AGTPBP1: variants seen among roughly 807,000 people sequenced by gnomAD.
AGTPBP1 encodes cytosolic carboxypeptidase 1.
A neutral mutation model predicts 143.9 loss-of-function variants in AGTPBP1; 70 were observed. That is an observed-to-expected ratio of 0.49 (90% confidence interval 0.40 to 0.59). The LOEUF (loss-of-function observed/expected upper bound fraction) is 0.59. Among genes scored for constraint, AGTPBP1 ranks in the 20% least tolerant of loss-of-function variants. The pLI, the probability that AGTPBP1 is intolerant of heterozygous loss-of-function variation, is 0.00. For missense variants in AGTPBP1, 1,229 were observed against 1,464.5 expected, an observed-to-expected ratio of 0.84 and a Z score of 2.62; for synonymous variants, 463 against 500.2, an observed-to-expected ratio of 0.93 and a Z score of 0.99.
At chr9:85,789,901 T>C in the AGTPBP1 span, among the ~76,000 whole-genome samples, 1 of 152,220 alleles carries the variant, frequency 6.6e-6, no homozygotes, top group African/African-American at 2.4e-5. Flanking sequence ...AACAAATTCT[T>C]ACACATTAAA....
intron 3 of AGTPBP1, among the ~76,000 whole-genome samples, chr9:85,681,772 C>T (rs1366921800): frequency 3.9e-5 from 4 of 102,302 alleles, no homozygotes; most frequent in African/African-American, 8.8e-5. Flanking sequence ...TTTTTTGAGA[C>T]GGAGTCTCAT....
chr9:85,714,233 G>T (rs948170893), intron 1 of AGTPBP1, among the ~76,000 whole-genome samples: 1 of 152,216 alleles, frequency 6.6e-6, no homozygotes, highest in East Asian at 1.9e-4. Context: ...GTCCTCTGGC[G>T]TTACCAAAGT....
At chr9:85,773,349 T>TTTTTTTTTG in the AGTPBP1 span, among the ~76,000 whole-genome samples, 1 of 129,728 alleles carries the variant, frequency 7.7e-6, no homozygotes, top group African/African-American at 3.6e-5. Context: ...TTTTTTTTTT[T>TTTTTTTTTG]TGCGGCGGAG....
chr9:85,669,001 G>A (rs867813903), intron 8 of AGTPBP1, among the ~76,000 whole-genome samples: 26 of 77,398 alleles, frequency 3.4e-4, no homozygotes, highest in African/African-American at 1.4e-3. Context: ...GTGTGTGTGT[G>A]TGTGTGTATA....
chr9:85,698,620 A>T (rs2134337005), intron 2 of AGTPBP1, among the ~76,000 whole-genome samples: 1 of 151,372 alleles, frequency 6.6e-6, no homozygotes, highest in East Asian at 2.0e-4. Flanking sequence ...TACACTGCAA[A>T]GCAGAGGAAT....
intron 1 of AGTPBP1, among the ~76,000 whole-genome samples, chr9:85,724,111 A>G (rs1554740004): frequency 1.3e-5 from 2 of 151,976 alleles, no homozygotes; most frequent in Non-Finnish European, 2.9e-5. Flanking sequence ...AGATGGAGAA[A>G]CCCGAACTCT....
intron 25 of AGTPBP1, among the ~76,000 whole-genome samples, chr9:85,551,612 GT>G (rs1278591643): frequency 7.9e-5 from 12 of 152,184 alleles, no homozygotes; most frequent in Non-Finnish European, 1.5e-4. Context: ...AAGCCTTGAG[GT>G]TGACGAGATC....
intron 23 of AGTPBP1, among the ~76,000 whole-genome samples, chr9:85,583,027 C>G (rs917006990): frequency 6.6e-6 from 1 of 151,990 alleles, no homozygotes; most frequent in Non-Finnish European, 1.5e-5. Context: ...AAGGGGAAGG[C>G]AGCGGAAGGA....
At chr9:85,716,144 C>A (rs1371312884) in intron 1 of AGTPBP1, among the ~76,000 whole-genome samples, 1 of 152,188 alleles carries the variant, frequency 6.6e-6, no homozygotes, top group African/African-American at 2.4e-5. Flanking sequence ...TTCTTATCAA[C>A]AACTAATGAT....
At chr9:85,593,950 G>A (rs531333150) in intron 18 of AGTPBP1, among the ~76,000 whole-genome samples, 161 of 152,154 alleles carry the variant, frequency 1.1e-3, no homozygotes, top group Non-Finnish European at 1.7e-3. Context: ...GGGCCTATAC[G>A]TTATTTTTTC....
intron 17 of AGTPBP1, among the ~76,000 whole-genome samples, chr9:85,615,183 A>G (rs2133476849): frequency 1.3e-5 from 2 of 152,248 alleles, no homozygotes; most frequent in South Asian, 4.1e-4. Context: ...ATGCTGTTAA[A>G]TATAAACACC....
At chr9:85,761,241 A>G in the AGTPBP1 span, among the ~76,000 whole-genome samples, 4 of 152,190 alleles carry the variant, frequency 2.6e-5, no homozygotes, top group African/African-American at 9.6e-5. Context: ...TCAAGCTACC[A>G]ATGACTTTCT....
At chr9:85,617,141 A>C (rs1693161616) in intron 17 of AGTPBP1, among the ~76,000 whole-genome samples, 1 of 152,164 alleles carries the variant, frequency 6.6e-6, no homozygotes, top group South Asian at 2.1e-4. Context: ...AATTGGGAAC[A>C]ACCTCTTCAA....
chr9:85,723,118 G>T (rs1838239193), intron 1 of AGTPBP1, among the ~76,000 whole-genome samples: 1 of 152,194 alleles, frequency 6.6e-6, no homozygotes, highest in Admixed American at 6.5e-5. Context: ...TCCCAGTCAG[G>T]CTACATGGGG....
chr9:85,665,916 A>G (rs1319105568), intron 8 of AGTPBP1, among the ~76,000 whole-genome samples: 2 of 152,176 alleles, frequency 1.3e-5, no homozygotes, highest in Non-Finnish European at 2.9e-5. Context: ...AATTTCTGAA[A>G]TTCTATAACA....
chr9:85,643,501 T>C (rs1832624799), intron 12 of AGTPBP1, among the ~76,000 whole-genome samples: 1 of 152,132 alleles, frequency 6.6e-6, no homozygotes, highest in African/African-American at 2.4e-5. Context: ...TCAGCCAGCA[T>C]CACACACTGC....
In AGTPBP1 at chr9:85,723,716, A is replaced by G. The variant is rs532256878; in HGVS notation, c.-33-11150T>C. Reference sequence around the variant, plus strand: ...CCACCGTCCAACCAGTCCCATTGAGATGAACCAGGTACCTTAGTTGGAAAT... The same window carrying G: ...CCACCGTCCAACCAGTCCCATTGAGGTGAACCAGGTACCTTAGTTGGAAAT... On this transcript the variant is annotated intron_variant, in intron 1 of 25. Coordinates refer to ENST00000357081, the MANE Select transcript of AGTPBP1 (RefSeq NM_001330701.2). 1.3e-3 allele frequency among the ~76,000 whole-genome samples: 201 copies of G among 152,222 alleles called. 1 individual carries two copies. The highest frequency in any genetic ancestry group is 5.8e-3 in the South Asian group (28 of 4,822).
At chr9:85,687,599 C>T (rs994800151) in intron 3 of AGTPBP1, among the ~76,000 whole-genome samples, 3 of 151,350 alleles carry the variant, frequency 2.0e-5, no homozygotes, top group Non-Finnish European at 1.5e-5. Flanking sequence ...TTAAACAACA[C>T]ACTTCTAAAA....
intron 2 of AGTPBP1, among the ~76,000 whole-genome samples, chr9:85,698,195 C>T (rs1836396095): frequency 6.6e-6 from 1 of 152,024 alleles, no homozygotes; most frequent in African/African-American, 2.4e-5. Flanking sequence ...AAATTAAGAG[C>T]TTGCTTTGCC....
Sources: gnomAD v4.1 joint callset for allele counts (sites outside exome capture counted in the v4.1 genomes callset) on GRCh38, gnomAD v4.1.1 for gene constraint, MANE v1.5 for transcripts, NCBI Gene and HGNC (gene_info 2026-07-23, HGNC 2026-07-21) for gene names.